Variants in UGT1A10 observed in about 807,000 individuals in gnomAD.
The protein encoded by UGT1A10 is UDP glucuronosyltransferase family 1 member A10.
UGT1A10 carries 49 observed loss-of-function variants against 45.8 expected under a neutral mutation model. The ratio of observed to expected loss-of-function variants is 1.07; its 90% CI spans 0.85 to 1.36. The LOEUF (loss-of-function observed/expected upper bound fraction) is 1.36. Ranked by LOEUF, UGT1A10 falls within the 40% of genes most tolerant of loss-of-function variation. UGT1A10 has a pLI of 0.00. For missense variants in UGT1A10, 745 were observed against 668.6 expected, an observed-to-expected ratio of 1.11 and a Z score of -1.26; for synonymous variants, 284 against 249.7, an observed-to-expected ratio of 1.14 and a Z score of -1.29.
At chr2:233,658,797 T>G (rs1392650611) in intron 1 of UGT1A10, among the ~76,000 whole-genome samples, 2 of 152,262 alleles carry the variant, frequency 1.3e-5, no homozygotes, top group Non-Finnish European at 2.9e-5. Flanking sequence ...GCTAAACATC[T>G]ATTTCTGGAC....
At chr2:233,733,460 C>T (rs1438150751) in intron 1 of UGT1A10, among the ~76,000 whole-genome samples, 1 of 152,094 alleles carries the variant, frequency 6.6e-6, no homozygotes, top group Non-Finnish European at 1.5e-5. Context: ...ATAAATAGCT[C>T]TTATTATTTT....
Position 233,765,281 on chromosome 2 carries a change from A to G in UGT1A10, c.856-1753A>G, listed in dbSNP as rs552450239. On this transcript the variant is annotated intron_variant, in intron 1 of 4. Transcript: ENST00000344644. Reference sequence around the variant, plus strand: ...GTATATACCCAAAGAAATATAAATTATTCTACTATAAAGACACATGCACAT... The same window carrying G: ...GTATATACCCAAAGAAATATAAATTGTTCTACTATAAAGACACATGCACAT... Among the ~76,000 whole-genome samples, 6 of 152,338 alleles carry G rather than the reference A, an allele frequency of 3.9e-5. No homozygotes were observed. The East Asian group carries it at 1.2e-3, about 29-fold the overall frequency.
chr2:233,653,797 A>G (rs1025281564), intron 1 of UGT1A10, among the ~76,000 whole-genome samples: 1 of 152,208 alleles, frequency 6.6e-6, no homozygotes, highest in Non-Finnish European at 1.5e-5. Context: ...GGGTTTTGCC[A>G]TGTTGGCCAG....
In UGT1A10 at chr2:233,671,968, C is replaced by T. The variant is rs1001554940; in HGVS notation, c.855+34591C>T. Reference sequence around the variant, plus strand: ...CACAGGGTGGACCAGCCCCCTTCCTCTATGTGTGTGTCTGCTGCTGACCTG... The same window carrying T: ...CACAGGGTGGACCAGCCCCCTTCCTTTATGTGTGTGTCTGCTGCTGACCTG... On this transcript the variant is annotated intron_variant, in intron 1 of 4. Transcript: ENST00000344644. 5 of 1,613,768 alleles carry T rather than the reference C, an allele frequency of 3.1e-6. No homozygotes were observed. In the African/African-American group the frequency reaches 6.7e-5, roughly 22 times the overall value.
intron 1 of UGT1A10, among the ~76,000 whole-genome samples, chr2:233,698,043 G>A (rs1345367179): frequency 6.6e-6 from 1 of 152,102 alleles, no homozygotes. Flanking sequence ...TTTTCAAAAA[G>A]TTGTACTCAG....
At chr2:233,664,174 A>G (rs1187122365) in intron 1 of UGT1A10, among the ~76,000 whole-genome samples, 2 of 152,160 alleles carry the variant, frequency 1.3e-5, no homozygotes, top group Non-Finnish European at 2.9e-5. Context: ...ATGAGACCTC[A>G]TTAGCCTGGC....
At position 233,682,413 on chromosome 2, in the gene UGT1A10, A is replaced by G. The variant is rs1324390372; in HGVS notation, c.855+45036A>G. 25 of 1,613,852 alleles carry G rather than the reference A, an allele frequency of 1.5e-5. No individual in the cohort carries two copies. Among genetic ancestry groups the G allele is most frequent in the Middle Eastern group, 3.3e-4 (2 of 6,056 alleles). On this transcript the variant is annotated intron_variant, in intron 1 of 4. Coordinates refer to ENST00000344644, the MANE Select transcript of UGT1A10 (RefSeq NM_019075.4). The stretch of plus-strand genomic sequence containing the variant: ...GATGCCTGTGGCTTAATTGTTGCCA[A>G]ATATTTCTCCCTCCCCTCTGTGGTC...
rs1351958391 is a variant in UGT1A10 at position 233,637,341 on chromosome 2, T to C, written c.819T>C (p.Gly273=). The change falls in exon 1 of 5, where the codon GGT becomes GGC. Residue 273 remains glycine, a synonymous_variant. Transcript: ENST00000344644. ...KPVMPNMIFI[G]GINCHQGKPL... ...TGATGCCCAACATGATCTTCATTGG[T>C]GGTATCAACTGTCATCAGGGAAAGC... The C allele has an allele frequency of 6.2e-7, 1 of 1,613,862 alleles. No homozygotes were observed. Among genetic ancestry groups the C allele is most frequent in the South Asian group, 1.1e-5 (1 of 91,060 alleles).
At chr2:233,728,657 C>A (rs541048622) in intron 1 of UGT1A10, among the ~76,000 whole-genome samples, 28 of 152,298 alleles carry the variant, frequency 1.8e-4, no homozygotes, top group African/African-American at 6.5e-4. Flanking sequence ...TTTGGATGCG[C>A]TGCGTTACTC....
intron 1 of UGT1A10, among the ~76,000 whole-genome samples, chr2:233,751,602 T>C (rs1694760263): frequency 6.6e-6 from 1 of 152,210 alleles, no homozygotes; most frequent in Non-Finnish European, 1.5e-5. Context: ...GGATGGGACC[T>C]GGTGGGAGGT....
chr2:233,751,726 T>C (rs148405152), intron 1 of UGT1A10, among the ~76,000 whole-genome samples: 37 of 152,334 alleles, frequency 2.4e-4, no homozygotes, highest in Admixed American at 6.5e-4. Context: ...AAGTGAACTC[T>C]TCCTCTCTGT....
intron 1 of UGT1A10, among the ~76,000 whole-genome samples, chr2:233,721,183 C>G (rs1370349767): frequency 6.6e-6 from 1 of 152,146 alleles, no homozygotes; most frequent in East Asian, 1.9e-4. Flanking sequence ...GATCAAACCA[C>G]AAGATATTTG....
chr2:233,682,663 T>C (rs1271969942), intron 1 of UGT1A10: 8 of 1,613,786 alleles, frequency 5.0e-6, no homozygotes, highest in East Asian at 2.2e-5. Context: ...TCACGGCATA[T>C]GATCTCTACA....
chr2:233,748,109 G>A (rs1215169809), intron 1 of UGT1A10: 2 of 1,612,198 alleles, frequency 1.2e-6, no homozygotes, highest in African/African-American at 1.3e-5. Context: ...TCCAATCAAT[G>A]TTCCAGGCAA....
intron 1 of UGT1A10, chr2:233,691,746 C>A: frequency 1.7e-6 from 1 of 577,624 alleles, no homozygotes; most frequent in Non-Finnish European, 2.2e-6. Context: ...AGATACCAGG[C>A]TTTCTGACTC....
intron 1 of UGT1A10, among the ~76,000 whole-genome samples, chr2:233,746,366 TC>T (rs2125877621): frequency 6.6e-6 from 1 of 151,852 alleles, no homozygotes; most frequent in East Asian, 1.9e-4. Context: ...TAGTAACAAG[TC>T]CCTTCATTCT....
chr2:233,661,950 T>C (rs1322424305), intron 1 of UGT1A10, among the ~76,000 whole-genome samples: 1 of 152,132 alleles, frequency 6.6e-6, no homozygotes, highest in Non-Finnish European at 1.5e-5. Flanking sequence ...CACAATTTAC[T>C]GGAGGGATGA....
intron 1 of UGT1A10, among the ~76,000 whole-genome samples, chr2:233,686,474 C>T (rs1370676461): frequency 6.6e-6 from 1 of 151,930 alleles, no homozygotes; most frequent in East Asian, 1.9e-4. Flanking sequence ...TTTTTCCTTT[C>T]CTATGAAACT....
chr2:233,746,309 C>A (rs1693355389), intron 1 of UGT1A10, among the ~76,000 whole-genome samples: 1 of 151,738 alleles, frequency 6.6e-6, no homozygotes, highest in Admixed American at 6.5e-5. Context: ...CCTTGGAGGG[C>A]CCTGTAGATG....
Sources: allele counts gnomAD v4.1 joint callset (sites outside exome capture counted in the v4.1 genomes callset), GRCh38; gene constraint gnomAD v4.1.1; transcripts MANE v1.5; gene names NCBI Gene and HGNC (gene_info 2026-07-23, HGNC 2026-07-21).